The following ZDHHC9 variants were observed in gnomAD, a reference collection of about 807,000 sequenced individuals.
ZDHHC9 encodes zDHHC palmitoyltransferase 9.
A neutral mutation model predicts 26.6 loss-of-function variants in ZDHHC9; 3 were observed. That is an observed-to-expected ratio of 0.11 (90% CI 0.05 to 0.29). The LOEUF is 0.29. Ranked by LOEUF, ZDHHC9 falls within the 10% of genes least tolerant of loss-of-function variation. ZDHHC9 has a pLI of 1.00. For missense variants in ZDHHC9, 146 were observed against 296.4 expected, an observed-to-expected ratio of 0.49 and a Z score of 3.73; for synonymous variants, 111 against 109.4, an observed-to-expected ratio of 1.01 and a Z score of -0.09.
At chrX:129,812,623 C>G in intron 8 of ZDHHC9, 95 bp downstream of exon 8, 4 of 779,063 alleles carry the variant, frequency 5.1e-6, no homozygotes, top group Non-Finnish European at 7.9e-6. Flanking sequence ...CTCAACCTCC[C>G]AGGCCCTGGA....
chrX:129,820,092 G>A lies in ZDHHC9; in HGVS notation c.487+3587C>T, dbSNP rs996420465. 8.1e-5 allele frequency among the ~76,000 whole-genome samples: 9 copies of A among 111,115 alleles called. No individual in the cohort carries two copies. The Middle Eastern group carries it at 0.014, about 170-fold the overall frequency. On this transcript the variant is annotated intron_variant, in intron 5 of 10. Transcript: ENST00000357166. ...ATCCTGAGTTAAACATTTCCACCCC[G>A]AAATATTTTCCCACATCTCTGATTT...
intron 3 of ZDHHC9, among the ~76,000 whole-genome samples, chrX:129,829,564 A>G (rs1332401144): frequency 8.9e-6 from 1 of 111,753 alleles, no homozygotes; most frequent in Admixed American, 9.5e-5. Flanking sequence ...ATTCAAGCTG[A>G]GCTTGATGAA....
intron 10 of ZDHHC9, among the ~76,000 whole-genome samples, chrX:129,809,554 G>A (rs1424251281): frequency 6.3e-5 from 7 of 111,741 alleles, no homozygotes; most frequent in Non-Finnish European, 1.3e-4. Flanking sequence ...TTGCCTAGGG[G>A]TGTGGCTGGG....
At chrX:129,817,706 T>C (rs1161628641) in intron 5 of ZDHHC9, among the ~76,000 whole-genome samples, 2 of 110,505 alleles carry the variant, frequency 1.8e-5, no homozygotes, top group East Asian at 5.6e-4. Context: ...AGATATCTCA[T>C]ATAAGCGGAA....
rs1028625403 is a variant in ZDHHC9, at chrX:129,803,623, A to G, written c.*2747T>C. On this transcript the variant is annotated 3_prime_UTR_variant, in exon 11 of 11. Coordinates refer to ENST00000357166, the MANE Select transcript of ZDHHC9 (RefSeq NM_016032.4). Reference sequence around the variant, plus strand: ...GGAATCAGAATCCACCTCTAACCCAACCTCACTCCTGGGGTAAAAGCAAAG... The same window carrying G: ...GGAATCAGAATCCACCTCTAACCCAGCCTCACTCCTGGGGTAAAAGCAAAG... 1 of 111,833 alleles carries G rather than the reference A, an allele frequency of 8.9e-6. No homozygotes were observed. The highest frequency in any genetic ancestry group is 1.9e-5 in the Non-Finnish European group (1 of 53,119). The allele number at this position is 111,833 out of a possible 1,213,427, so 9.2% of individuals were successfully genotyped here.
chrX:129,829,398 T>C (rs1473107679), intron 3 of ZDHHC9, among the ~76,000 whole-genome samples: 1 of 111,452 alleles, frequency 9.0e-6, no homozygotes. Flanking sequence ...CCAAGTCCAA[T>C]CTATCCTATC....
chrX:129,832,684 G>T (rs1163681547), intron 3 of ZDHHC9, among the ~76,000 whole-genome samples: 1 of 110,964 alleles, frequency 9.0e-6, no homozygotes, highest in Non-Finnish European at 1.9e-5. Flanking sequence ...TTGGGAGGCT[G>T]AGGCAGGAGA....
chrX:129,814,695 G>C lies in ZDHHC9; in HGVS notation c.588C>G (p.Ile196Met). 1 of 1,211,283 alleles carries C rather than the reference G, an allele frequency of 8.3e-7. No homozygotes were observed. The highest frequency in any genetic ancestry group is 1.1e-6 in the Non-Finnish European group (1 of 895,366). The change falls in exon 6 of 11, where the codon ATC (isoleucine) becomes ATG (methionine). Residue 196 changes from isoleucine (I) to methionine (M), a missense_variant. Physicochemically the swap from Ile to Met is conservative, Grantham distance 10. Around this residue, in one of 2 missense-constraint regions of ZDHHC9, gnomAD observed 100 missense variants for 250.0 expected, o/e 0.40. Transcript: ENST00000357166. ...LFILSLSLLT[I>M]YVFAFNIVYV... ...AGACGATGTTGAAGGCGAAGACATAGATTGTGAGGAGGGAGAGAGAAAGGA... is the reference window on the plus strand; with the variant it reads ...AGACGATGTTGAAGGCGAAGACATACATTGTGAGGAGGGAGAGAGAAAGGA...
At chrX:129,820,000 T>C (rs1927847047) in intron 5 of ZDHHC9, among the ~76,000 whole-genome samples, 1 of 111,366 alleles carries the variant, frequency 9.0e-6, no homozygotes, top group South Asian at 3.8e-4. Context: ...CCCGGCTCTA[T>C]AATTTATTTG....
chrX:129,832,547 G>A (rs1041152126), intron 3 of ZDHHC9, among the ~76,000 whole-genome samples: 1 of 111,030 alleles, frequency 9.0e-6, no homozygotes, highest in African/African-American at 3.3e-5. Flanking sequence ...ACTTTGGGAG[G>A]CTGAGGTGGG....
At chrX:129,808,809 T>C (rs1264722123) in intron 10 of ZDHHC9, among the ~76,000 whole-genome samples, 1 of 111,813 alleles carries the variant, frequency 8.9e-6, no homozygotes, top group Non-Finnish European at 1.9e-5. Context: ...TATTTGCAAA[T>C]TGTATATCTG....
At chrX:129,829,821 G>C (rs1475571759) in intron 3 of ZDHHC9, among the ~76,000 whole-genome samples, 1 of 111,435 alleles carries the variant, frequency 9.0e-6, no homozygotes, top group African/African-American at 3.3e-5. Context: ...TCCTCATAAT[G>C]CATCTGGCAA....
intron 6 of ZDHHC9, among the ~76,000 whole-genome samples, chrX:129,814,332 G>A (rs1224136173): frequency 8.9e-6 from 1 of 112,044 alleles, no homozygotes; most frequent in Non-Finnish European, 1.9e-5. Context: ...CAAGGCAGAA[G>A]AAGAGAGGAT....
intron 10 of ZDHHC9, among the ~76,000 whole-genome samples, 191 bp downstream of exon 10, chrX:129,810,714 A>G (rs1222404118): frequency 8.9e-6 from 1 of 112,287 alleles, no homozygotes; most frequent in Non-Finnish European, 1.9e-5. Flanking sequence ...GAGTCACTCA[A>G]TATACACCAA....
Position 129,810,967 on chromosome X carries a change from C to G in ZDHHC9, c.916G>C (p.Glu306Gln). 1.7e-6 allele frequency: 2 copies of G among 1,211,319 alleles called. No individual in the cohort carries two copies. Among genetic ancestry groups the G allele is most frequent in the Non-Finnish European group, 2.2e-6 (2 of 895,272 alleles). ...LDRRGILPLEESGSRPPSTQE... is the reference protein window; with the variant it reads ...LDRRGILPLEQSGSRPPSTQE... Reference sequence around the variant, plus strand: ...GTACTGGGAGGTCGACTTCCACTTTCCTCCAGTGGCAAAATACCCCTTCGA... The same window carrying G: ...GTACTGGGAGGTCGACTTCCACTTTGCTCCAGTGGCAAAATACCCCTTCGA... The change falls in exon 10 of 11, where the codon GAA becomes CAA. Residue 306 changes from glutamate (E) to glutamine (Q), a missense_variant. This residue lies in a region of ZDHHC9 where 46 missense variants were observed against 46.4 expected (regional missense o/e 0.99). Coordinates refer to ENST00000357166, the MANE Select transcript of ZDHHC9 (RefSeq NM_016032.4).
chrX:129,825,584 G>A (rs186754388), intron 4 of ZDHHC9, among the ~76,000 whole-genome samples: 1 of 110,567 alleles, frequency 9.0e-6, no homozygotes, highest in East Asian at 2.8e-4. Flanking sequence ...CCATATTGTT[G>A]GGATTTTTTA....
intron 3 of ZDHHC9, among the ~76,000 whole-genome samples, chrX:129,831,258 C>T (rs1190358984): frequency 9.0e-6 from 1 of 111,726 alleles, no homozygotes; most frequent in Non-Finnish European, 1.9e-5. Flanking sequence ...ACACTAACAG[C>T]AAATAGGAAT....
In ZDHHC9 at chrX:129,812,724, A is replaced by G; in HGVS notation, c.771T>C (p.Asn257=). Residue 257 remains asparagine, a synonymous_variant, in exon 8 of 11, where the codon AAT becomes AAC. Transcript: ENST00000357166. ...GAAGAGAAAGTTGACTCACGTCTTC[A>G]TTGGTTGTCTGGTTGAGAGCCACGA... ...TFLVALNQTT[N]EDIKGSWTGK... is the part of the protein sequence containing the mutation. 2.5e-6 allele frequency: 3 copies of G among 1,207,064 alleles called. No individual in the cohort carries two copies. The highest frequency in any genetic ancestry group is 3.4e-6 in the Non-Finnish European group (3 of 891,127).
At chrX:129,827,251 AAAGG>A (rs752889794) in intron 4 of ZDHHC9, among the ~76,000 whole-genome samples, 4,293 of 85,618 alleles carry the variant, frequency 0.05, 378 homozygotes, top group African/African-American at 0.18. Flanking sequence ...AAGGAAGGAA[AAAGG>A]AAGGAAGGAA....
Sources: gnomAD v4.1 joint callset for allele counts (sites outside exome capture counted in the v4.1 genomes callset) on GRCh38, gnomAD v4.1.1 for gene constraint, gnomAD v4.1.1 regional missense constraint, MANE v1.5 for transcripts, NCBI Gene and HGNC (gene_info 2026-07-23, HGNC 2026-07-21) for gene names.